The following PRKCH variants were observed in gnomAD, a reference collection of about 807,000 sequenced individuals.
The protein encoded by PRKCH is protein kinase C eta, also known as protein kinase C eta type.
A neutral mutation model predicts 82.5 loss-of-function variants in PRKCH; 28 were observed. The observed-to-expected ratio is 0.34, with a 90% CI of 0.25 to 0.47. The LOEUF is 0.47. Among genes scored for constraint, PRKCH ranks in the 20% least tolerant of loss-of-function variants. The probability of loss-of-function intolerance (pLI) is 1.00; values close to 1 mark genes in which losing one functional copy is unlikely to be tolerated. For synonymous variants in PRKCH, 322 were observed against 327.4 expected (o/e 0.98, Z 0.18); for missense variants, 705 against 881.8 (o/e 0.80, Z 2.54).
intron 1 of PRKCH, chr14:61,187,734 G>A (rs2044374202): frequency 6.6e-6 from 1 of 151,994 alleles, no homozygotes; most frequent in Non-Finnish European, 1.5e-5. Flanking sequence ...AGAGTTTTTC[G>A]ATCCGAAAAA....
intron 1 of PRKCH, among the ~76,000 whole-genome samples, chr14:61,310,032 G>A (rs938464486): frequency 1.3e-5 from 2 of 151,796 alleles, no homozygotes; most frequent in Non-Finnish European, 2.9e-5. Context: ...GGAGGGAACC[G>A]CCCCCCCTCC....
At chr14:61,377,361 AC>A (rs1271704445) in intron 1 of PRKCH, among the ~76,000 whole-genome samples, 13 of 152,258 alleles carry the variant, frequency 8.5e-5, no homozygotes, top group Admixed American at 7.2e-4. Context: ...CCAAATGATA[AC>A]CCCAGCCGTA....
At chr14:61,236,325 T>C (rs899719941) in intron 1 of PRKCH, among the ~76,000 whole-genome samples, 2 of 152,118 alleles carry the variant, frequency 1.3e-5, no homozygotes, top group South Asian at 2.1e-4. Context: ...CATTCCCAGA[T>C]GGTTAAGGCA....
rs376994728 is a variant in PRKCH at position 61,283,238 on chromosome 14, C to T, written c.-19+95570C>T. Among the ~76,000 whole-genome samples the T allele has an allele frequency of 4.0e-4, 61 of 152,296 alleles. 1 individual carries two copies. The East Asian group carries it at 9.8e-3, about 25-fold the overall frequency. Reference sequence around the variant, plus strand: ...CACCCCTAAAAGGGCAAGCCCCATTCTTGAGCTCAGAGCCTTTCCTCCTTT... The same window carrying T: ...CACCCCTAAAAGGGCAAGCCCCATTTTTGAGCTCAGAGCCTTTCCTCCTTT... On this transcript the variant is annotated intron_variant, in intron 1 of 3. Coordinates refer to the PRKCH transcript ENST00000555185.
At chr14:61,473,991 C>G (rs1885618106) in intron 9 of PRKCH, among the ~76,000 whole-genome samples, 1 of 127,026 alleles carries the variant, frequency 7.9e-6, no homozygotes, top group Non-Finnish European at 1.6e-5. Context: ...GAGACTCTGT[C>G]TTAAAAAAAA....
intron 1 of PRKCH, among the ~76,000 whole-genome samples, chr14:61,222,334 T>G (rs902115443): frequency 6.6e-6 from 1 of 152,252 alleles, no homozygotes; most frequent in Non-Finnish European, 1.5e-5. Flanking sequence ...CTTGATAGTG[T>G]GTGTTTTTGT....
At chr14:61,466,745 G>A (rs781147188) in intron 9 of PRKCH, among the ~76,000 whole-genome samples, 16 of 152,112 alleles carry the variant, frequency 1.1e-4, no homozygotes, top group African/African-American at 3.4e-4. Context: ...AGGATCCACC[G>A]CTTTCAGGTG....
chr14:61,263,909 G>A (rs564057127), intron 1 of PRKCH, among the ~76,000 whole-genome samples: 7 of 147,818 alleles, frequency 4.7e-5, no homozygotes, highest in African/African-American at 1.5e-4. Context: ...GTGTGTGTAC[G>A]CACGTGCATG....
intron 12 of PRKCH, among the ~76,000 whole-genome samples, chr14:61,547,337 T>C (rs2043270967): frequency 1.3e-5 from 2 of 152,146 alleles, no homozygotes; most frequent in African/African-American, 4.8e-5. Flanking sequence ...GTCAGGTCAC[T>C]CAGAAAAATG....
chr14:61,321,434 C>A (rs1004491583), upstream of PRKCH, among the ~76,000 whole-genome samples: 2 of 152,322 alleles, frequency 1.3e-5, no homozygotes, highest in Admixed American at 6.5e-5. The surrounding 1 kb of genome is among the most constrained non-coding windows in gnomAD (Gnocchi z 4.1). Context: ...AGACCCAGCG[C>A]TACAAGGAGG....
In PRKCH at chr14:61,216,240, C is replaced by T. The variant is rs552195310; in HGVS notation, c.-19+28572C>T. 1.2e-4 allele frequency among the ~76,000 whole-genome samples: 19 copies of T among 152,100 alleles called. No homozygotes were observed. In the East Asian group the frequency reaches 1.9e-3, roughly 16 times the overall value. On this transcript the variant is annotated intron_variant, in intron 1 of 3. Coordinates refer to the PRKCH transcript ENST00000555185. ...CAGCACTTTGGGAGGCCGAGGAGGG[C>T]GGATCACCTAAGGTCGGGAGTTCAA...
chr14:61,534,938 A>G (rs1221033294), intron 12 of PRKCH, among the ~76,000 whole-genome samples: 2 of 152,200 alleles, frequency 1.3e-5, no homozygotes, highest in East Asian at 1.9e-4. Context: ...TAATTTCACA[A>G]CACACTTAGA....
At chr14:61,466,569 C>T (rs1885269064) in intron 9 of PRKCH, among the ~76,000 whole-genome samples, 1 of 152,154 alleles carries the variant, frequency 6.6e-6, no homozygotes, top group African/African-American at 2.4e-5. Context: ...TGGTCTGAGG[C>T]TTTGTTCGGA....
chr14:61,278,785 ATTTTAG>A (rs1566803859), intron 1 of PRKCH: 1 of 152,184 alleles, frequency 6.6e-6, no homozygotes, highest in Non-Finnish European at 1.5e-5. Context: ...CAATGGAATG[ATTTTAG>A]TTGAGTGTAA....
At chr14:61,487,241 C>T (rs1886265078) in intron 10 of PRKCH, among the ~76,000 whole-genome samples, 1 of 152,110 alleles carries the variant, frequency 6.6e-6, no homozygotes, top group Non-Finnish European at 1.5e-5. Flanking sequence ...CGGCACTGTG[C>T]AGGAGGGAAG....
intron 1 of PRKCH, among the ~76,000 whole-genome samples, chr14:61,389,146 C>T (rs749483531): frequency 3.3e-5 from 5 of 152,288 alleles, no homozygotes; most frequent in South Asian, 2.1e-4. Flanking sequence ...GAGGCCAAGG[C>T]GGGCGGATTG....
intron 1 of PRKCH, among the ~76,000 whole-genome samples, chr14:61,222,739 G>C (rs1219347421): frequency 6.6e-6 from 1 of 152,176 alleles, no homozygotes; most frequent in Non-Finnish European, 1.5e-5. Flanking sequence ...CAATGGATAA[G>C]CAGTGTTTGA....
rs540926365 is a variant in PRKCH, at chr14:61,500,036, T to G, written c.1433+14380T>G. The stretch of plus-strand genomic sequence containing the variant: ...GGCTGTTTCTTCAGGATTACTGATT[T>G]CTCAGTAATCCATAAACCATCCATG... On this transcript the variant is annotated intron_variant, in intron 10 of 13. Coordinates refer to ENST00000332981, the MANE Select transcript of PRKCH (RefSeq NM_006255.5). 5.3e-5 allele frequency among the ~76,000 whole-genome samples: 8 copies of G among 151,052 alleles called. 1 individual carries two copies. Among genetic ancestry groups the G allele is most frequent in the African/African-American group, 1.7e-4 (7 of 40,944 alleles).
chr14:61,332,798 A>G (rs1403823161), intron 1 of PRKCH, among the ~76,000 whole-genome samples: 1 of 152,208 alleles, frequency 6.6e-6, no homozygotes, highest in African/African-American at 2.4e-5. Flanking sequence ...TTGTACTAGC[A>G]TAGCTCTGTC....
Sources: gnomAD v4.1 joint callset for allele counts (sites outside exome capture counted in the v4.1 genomes callset) on GRCh38, gnomAD v4.1.1 for gene constraint, Gnocchi (gnomAD v3.1) non-coding constraint, MANE v1.5 for transcripts, NCBI Gene and HGNC (gene_info 2026-07-23, HGNC 2026-07-21) for gene names.